Variants in SMYD4 observed in about 807,000 individuals in gnomAD.
The protein encoded by SMYD4 is SET and MYND domain containing 4, also known as protein-lysine N-methyltransferase SMYD4.
SMYD4 carries 68 observed loss-of-function variants against 72.8 expected under a neutral mutation model. The observed-to-expected ratio is 0.93, with a 90% CI of 0.77 to 1.14. SMYD4 has a LOEUF of 1.14. Among genes scored for constraint, SMYD4 ranks in the 50% most tolerant of loss-of-function variants. SMYD4 has a pLI of 0.00. For synonymous variants in SMYD4, 407 were observed against 388.6 expected (o/e 1.05, Z -0.56); for missense variants, 984 against 1,003.7 (o/e 0.98, Z 0.27).
chr17:1,801,795 T>C (rs1266230711), intron 4 of SMYD4, among the ~76,000 whole-genome samples: 1 of 151,048 alleles, frequency 6.6e-6, no homozygotes, highest in Non-Finnish European at 1.5e-5. Flanking sequence ...GCTAACATGG[T>C]GAAACCCCAT....
chr17:1,814,106 G>A lies in SMYD4; in HGVS notation c.135-1991C>T, dbSNP rs1462124783. 3.9e-5 allele frequency among the ~76,000 whole-genome samples: 6 copies of A among 152,094 alleles called. No homozygotes were observed. The South Asian group carries it at 1.0e-3, about 26-fold the overall frequency. On this transcript the variant is annotated intron_variant, in intron 2 of 10. Transcript: ENST00000305513. Reference sequence around the variant, plus strand: ...AGGGAAGATTGCCTGAGCTCAGGAGGCTAGCCTGGGCAACATGGGAAGACC... The same window carrying A: ...AGGGAAGATTGCCTGAGCTCAGGAGACTAGCCTGGGCAACATGGGAAGACC...
intron 5 of SMYD4, among the ~76,000 whole-genome samples, chr17:1,788,268 G>T (rs1007275700): frequency 2.7e-5 from 4 of 150,702 alleles, no homozygotes; most frequent in Admixed American, 1.3e-4. Context: ...GGGAGGATCA[G>T]TTGAGCCCTA....
chr17:1,825,528 T>G, intron 2 of SMYD4, among the ~76,000 whole-genome samples: 1 of 144,230 alleles, frequency 6.9e-6, no homozygotes, highest in Non-Finnish European at 1.5e-5. Flanking sequence ...TTTTTTTTTT[T>G]TGAGAAATAG....
intron 5 of SMYD4, among the ~76,000 whole-genome samples, chr17:1,789,271 C>T (rs1908875977): frequency 1.3e-5 from 2 of 152,120 alleles, no homozygotes; most frequent in Non-Finnish European, 2.9e-5. Context: ...GCCTGTAGTC[C>T]CAGCTACTCG....
At chr17:1,818,405 G>A (rs1166052445) in intron 2 of SMYD4, among the ~76,000 whole-genome samples, 1 of 152,090 alleles carries the variant, frequency 6.6e-6, no homozygotes, top group Admixed American at 6.6e-5. Flanking sequence ...CAGGCATCAT[G>A]GATGTTCACC....
chr17:1,803,629 A>C (rs1909882770), intron 4 of SMYD4, among the ~76,000 whole-genome samples: 1 of 151,938 alleles, frequency 6.6e-6, no homozygotes, highest in Non-Finnish European at 1.5e-5. Context: ...CCTCCTGAGT[A>C]GCTGGGATTA....
At chr17:1,792,583 G>C (rs1346928296) in intron 5 of SMYD4, among the ~76,000 whole-genome samples, 1 of 151,672 alleles carries the variant, frequency 6.6e-6, no homozygotes. Context: ...CGAGGCTTCA[G>C]TGAGCTGAGA....
intron 2 of SMYD4, among the ~76,000 whole-genome samples, chr17:1,822,331 G>T (rs763808651): frequency 1.3e-5 from 2 of 152,136 alleles, no homozygotes; most frequent in Non-Finnish European, 2.9e-5. Context: ...AGTGGACAGG[G>T]AGTTGCTGTT....
chr17:1,785,569 A>G (rs1292905090), intron 7 of SMYD4, among the ~76,000 whole-genome samples: 1 of 151,974 alleles, frequency 6.6e-6, no homozygotes, highest in African/African-American at 2.4e-5. Flanking sequence ...CCTGGCCAAC[A>G]TGGAGAACAT....
chr17:1,787,072 C>A, intron 6 of SMYD4, 99 bp from the exon 7 acceptor site: 2 of 1,412,078 alleles, frequency 1.4e-6, no homozygotes. Flanking sequence ...AATTACCTAT[C>A]ATGTGACAGC....
intron 3 of SMYD4, among the ~76,000 whole-genome samples, chr17:1,811,665 GC>G (rs1282687150): frequency 6.6e-6 from 1 of 152,200 alleles, no homozygotes; most frequent in African/African-American, 2.4e-5. Flanking sequence ...GGTGGCTCAT[GC>G]CTGTAATCCC....
rs970860617 is a variant in SMYD4, at chr17:1,800,076, T to G, written c.1318A>C (p.Lys440Gln). The G allele has an allele frequency of 3.1e-6, 5 of 1,612,104 alleles. No individual in the cohort carries two copies. In the Admixed American group the frequency reaches 5.0e-5, roughly 16 times the overall value. The change falls in exon 5 of 11, where the codon AAA (lysine) becomes CAA (glutamine). Residue 440 changes from lysine (K) to glutamine (Q), a missense_variant. Coordinates refer to ENST00000305513, the MANE Select transcript of SMYD4 (RefSeq NM_052928.3). ...GAAACACAGAGAGCACAGAGGAATTTGTGCTCTGGGCTATGGTTTTCAGTG... is the reference window on the plus strand; with the variant it reads ...GAAACACAGAGAGCACAGAGGAATTGGTGCTCTGGGCTATGGTTTTCAGTG... ...PHTENHSPEH[K>Q]FLCALCVSAL...
intron 2 of SMYD4, among the ~76,000 whole-genome samples, chr17:1,826,514 A>AAAAAAAAAAAAAAAGAAAAGAAAAG (rs1911185507): frequency 9.4e-6 from 1 of 105,842 alleles, no homozygotes; most frequent in African/African-American, 3.1e-5. Flanking sequence ...AAAAAAAAAA[A>AAAAAAAAAAAAAAAGAAAAGAAAAG]AAAAGAAAAG....
chr17:1,799,415 C>CTGGA (rs1288626920), intron 5 of SMYD4, among the ~76,000 whole-genome samples: 4 of 151,156 alleles, frequency 2.6e-5, no homozygotes, highest in Non-Finnish European at 4.4e-5. Flanking sequence ...TGTCGCCAGG[C>CTGGA]TGGAGTGCAG....
chr17:1,786,153 A>T (rs1197070121), intron 7 of SMYD4, among the ~76,000 whole-genome samples: 1 of 152,202 alleles, frequency 6.6e-6, no homozygotes, highest in Non-Finnish European at 1.5e-5. Context: ...TTCTCAGGTC[A>T]ATGAAACACA....
rs774363670 is a variant in SMYD4 at position 1,781,269 on chromosome 17, A to G, written c.*17T>C. The G allele has an allele frequency of 5.6e-6, 9 of 1,604,798 alleles. No homozygotes were observed. In the South Asian group the frequency reaches 8.9e-5, roughly 16 times the overall value. ...TCCATGGGCTCCTTTTCTGTGGGTCAAAATCCTCCTGGAACCCTACAATGC... is the reference window on the plus strand; with the variant it reads ...TCCATGGGCTCCTTTTCTGTGGGTCGAAATCCTCCTGGAACCCTACAATGC... On this transcript the variant is annotated 3_prime_UTR_variant, in exon 11 of 11. Coordinates refer to ENST00000305513, the MANE Select transcript of SMYD4 (RefSeq NM_052928.3).
At chr17:1,794,105 A>ATATATATATTTTTT (rs1291818005) in intron 5 of SMYD4, among the ~76,000 whole-genome samples, 2 of 12,992 alleles carry the variant, frequency 1.5e-4, no homozygotes, top group East Asian at 1.3e-3. Context: ...ATATATATAT[A>ATATATATATTTTTT]TTTTTTTTTT....
chr17:1,787,456 C>T lies in SMYD4; in HGVS notation c.1686G>A (p.Arg562=). The part of the protein sequence containing the change: ...STVATIRASQ[R]IRKGQEILHC... ...GGAGAATCTCTTGCCCCTTTCTAAT[C>T]CGCTGTGACGCCCGGATGGTGGCGA... is the stretch of plus-strand genomic sequence containing the variant. The change falls in exon 6 of 11, where the codon CGG becomes CGA. Residue 562 remains arginine (R), a synonymous_variant. Coordinates refer to ENST00000305513, the MANE Select transcript of SMYD4 (RefSeq NM_052928.3). 1 of 1,561,544 alleles carries T rather than the reference C, an allele frequency of 6.4e-7. No individual in the cohort carries two copies.
At chr17:1,821,523 A>T (rs1282773261) in intron 2 of SMYD4, among the ~76,000 whole-genome samples, 1 of 152,176 alleles carries the variant, frequency 6.6e-6, no homozygotes, top group Non-Finnish European at 1.5e-5. Flanking sequence ...TCAAAAAAAC[A>T]AAAACAAAAA....
Sources: gnomAD v4.1 joint callset for allele counts (sites outside exome capture counted in the v4.1 genomes callset) on GRCh38, gnomAD v4.1.1 for gene constraint, MANE v1.5 for transcripts, NCBI Gene and HGNC (gene_info 2026-07-23, HGNC 2026-07-21) for gene names.